Variants in USP37 observed in about 807,000 individuals in gnomAD.
USP37 encodes ubiquitin carboxyl-terminal hydrolase 37.
In USP37, 27 loss-of-function variants were observed where a neutral mutation model predicts 124.0. That is an observed-to-expected ratio of 0.22 (90% CI 0.16 to 0.30). The LOEUF is 0.30. Ranked by LOEUF, USP37 falls within the 10% of genes least tolerant of loss-of-function variation. The pLI is 1.00. For missense variants in USP37, 889 were observed against 1,140.4 expected, an observed-to-expected ratio of 0.78 and a Z score of 3.17; for synonymous variants, 365 against 388.0, an observed-to-expected ratio of 0.94 and a Z score of 0.70.
chr2:218,551,844 G>C (rs955146394), intron 5 of USP37, among the ~76,000 whole-genome samples: 21 of 151,828 alleles, frequency 1.4e-4, no homozygotes, highest in Non-Finnish European at 1.3e-4. Flanking sequence ...CCAGGCTGGA[G>C]TGCAGTGGCG....
chr2:218,519,691 G>C (rs1242181305), intron 10 of USP37, among the ~76,000 whole-genome samples: 3 of 151,586 alleles, frequency 2.0e-5, no homozygotes, highest in Non-Finnish European at 2.9e-5. Flanking sequence ...CTGGAGTGCA[G>C]TAGTGGCGGG....
chr2:218,535,323 GC>G (rs1691564324), intron 8 of USP37, among the ~76,000 whole-genome samples: 1 of 151,104 alleles, frequency 6.6e-6, no homozygotes, highest in Non-Finnish European at 1.5e-5. Flanking sequence ...CCGTGATCGC[GC>G]CACTGCACTC....
At chr2:218,555,003 T>TAA (rs1473976555) in intron 4 of USP37, among the ~76,000 whole-genome samples, 4 of 152,208 alleles carry the variant, frequency 2.6e-5, no homozygotes, top group Non-Finnish European at 5.9e-5. Context: ...TGAAAACTCT[T>TAA]AACTTACTTC....
intron 9 of USP37, among the ~76,000 whole-genome samples, chr2:218,534,160 G>C (rs1047808119): frequency 1.3e-5 from 2 of 152,140 alleles, no homozygotes; most frequent in Non-Finnish European, 2.9e-5. Context: ...AAATATTTTA[G>C]CCAAGTACTG....
chr2:218,561,319 A>G (rs1693298944), intron 2 of USP37, among the ~76,000 whole-genome samples: 1 of 152,156 alleles, frequency 6.6e-6, no homozygotes, highest in Non-Finnish European at 1.5e-5. Context: ...CTTGATAATT[A>G]TTGGTATTAG....
intron 1 of USP37, among the ~76,000 whole-genome samples, chr2:218,567,846 G>A (rs496674): frequency 0.66 from 100,762 of 152,070 alleles, 33,830 homozygotes; most frequent in East Asian, 0.9. Context: ...CCAAGGCCTG[G>A]TGGATGTGCC....
At chr2:218,563,435 T>C (rs545604777) in intron 1 of USP37, among the ~76,000 whole-genome samples, 159 of 152,226 alleles carry the variant, frequency 1.0e-3, no homozygotes, top group Non-Finnish European at 1.9e-3. Flanking sequence ...AATATGTCCT[T>C]TGTTCACTTT....
chr2:218,514,548 G>A (rs973123719), intron 10 of USP37: 3 of 152,114 alleles, frequency 2.0e-5, no homozygotes, highest in African/African-American at 7.2e-5. Flanking sequence ...AGTCTATAAT[G>A]ACAATGTCTT....
At chr2:218,476,784 T>A in intron 19 of USP37, 56 bp downstream of exon 19, 1 of 1,522,564 alleles carries the variant, frequency 6.6e-7, no homozygotes, top group Non-Finnish European at 8.8e-7. Context: ...GACATTTGTT[T>A]GGACAGTAAG....
intron 17 of USP37, 86 bp from the exon 18 acceptor site, chr2:218,479,801 A>G: frequency 1.2e-6 from 1 of 820,614 alleles, no homozygotes; most frequent in Non-Finnish European, 1.6e-6. Flanking sequence ...TATTCTTACT[A>G]TAATTCCTTT....
At chr2:218,547,376 T>A (rs1386825829) in intron 6 of USP37, among the ~76,000 whole-genome samples, 1 of 150,666 alleles carries the variant, frequency 6.6e-6, no homozygotes, top group Non-Finnish European at 1.5e-5. Context: ...AGAGATTCTA[T>A]TCTAGTTGAT....
At position 218,474,505 on chromosome 2, in the gene USP37, T is replaced by C. The variant is rs766282079; in HGVS notation, c.2299+125A>G. 1.7e-5 allele frequency: 23 copies of C among 1,376,578 alleles called. No individual in the cohort carries two copies. In the Admixed American group the frequency reaches 4.0e-4, roughly 24 times the overall value. 85.3% of individuals were successfully genotyped at this position (1,376,578 alleles called of 1,614,324 possible). A position where few individuals can be genotyped will look rare whatever the true frequency, so the allele number is the denominator to read the frequency against. On this transcript the variant is annotated intron_variant, in intron 20 of 25. Coordinates refer to ENST00000258399, the MANE Select transcript of USP37 (RefSeq NM_020935.3). ...GCCTCCCGAGTAGCTGGGATTAGGG[T>C]CACACACCACCATGCTCAGCTAATT...
chr2:218,480,413 A>AAT (rs56383366), intron 17 of USP37, among the ~76,000 whole-genome samples: 148 of 151,446 alleles, frequency 9.8e-4, no homozygotes, highest in South Asian at 2.9e-3. Flanking sequence ...AAAAAAAAAA[A>AAT]AAAAAAAAAA....
intron 21 of USP37, among the ~76,000 whole-genome samples, chr2:218,464,314 T>C (rs1690192474): frequency 6.6e-6 from 1 of 151,928 alleles, no homozygotes; most frequent in South Asian, 2.1e-4. Context: ...CTTGGCCCAC[T>C]GCAACCTCCA....
intron 9 of USP37, 46 bp from the exon 10 acceptor site, chr2:218,530,086 C>A (rs1055851258): frequency 7.1e-7 from 1 of 1,408,152 alleles, no homozygotes; most frequent in Non-Finnish European, 9.8e-7. Context: ...CTAAATCAAC[C>A]ATTCAAGTTC....
Position 218,488,363 on chromosome 2 carries a change from G to A in USP37, c.1531C>T (p.Arg511Cys), listed in dbSNP as rs764987549. 23 of 1,612,558 alleles carry A rather than the reference G, an allele frequency of 1.4e-5. No homozygotes were observed. The highest frequency in any genetic ancestry group is 2.7e-5 in the African/African-American group (2 of 74,890). ...QFNDLSIDLP[R>C]RKKPLPPRSI... ...CGAGGAGGGAGTGGTTTTTTCCTAC[G>A]AGGAAGGTCAATAGAGAGGTCATTA... Residue 511 changes from arginine (R) to cysteine (C), a missense_variant, in exon 15 of 26, where the codon CGT becomes TGT. Around this residue, in one of 3 missense-constraint regions of USP37, gnomAD observed 504 missense variants for 714.3 expected, o/e 0.71. Coordinates refer to ENST00000258399, the MANE Select transcript of USP37 (RefSeq NM_020935.3).
chr2:218,459,812 T>A lies in USP37; in HGVS notation c.2621A>T (p.Glu874Val), dbSNP rs1689908074. ...FDMEYTEAEA[E>V]ELKRNAETGN... ...TACCTCAGCATTTCTTTTCAGTTCC[T>A]CAGCTTCAGCTTCTGTGTACTCCAT... Residue 874 changes from glutamate (E) to valine (V), a missense_variant, in exon 23 of 26, where the codon GAG (glutamate) becomes GTG (valine). Physicochemically the swap from Glu to Val is moderately radical, Grantham distance 121. Transcript: ENST00000258399. 4.3e-6 allele frequency: 7 copies of A among 1,613,782 alleles called. No individual in the cohort carries two copies. The highest frequency in any genetic ancestry group is 5.9e-6 in the Non-Finnish European group (7 of 1,179,848).
rs1290569932 is a variant in USP37, at chr2:218,451,214, TG to T, written c.*3715del. 2.0e-5 allele frequency: 3 copies of T among 152,106 alleles called. No homozygotes were observed. The highest frequency in any genetic ancestry group is 2.0e-4 in the Admixed American group (3 of 15,256). 9.4% of individuals were successfully genotyped at this position (152,106 alleles called of 1,614,324 possible). A position where few individuals can be genotyped will look rare whatever the true frequency, so the allele number is the denominator to read the frequency against. ...GTGCATTACTCAGTATAAAGCAAAA[TG>T]GGGAGGAAAAAGACATCCATCCATT... On this transcript the variant is annotated 3_prime_UTR_variant, in exon 26 of 26. Transcript: ENST00000258399.
At chr2:218,483,904 A>G (rs1691395805) in intron 16 of USP37, among the ~76,000 whole-genome samples, 1 of 152,224 alleles carries the variant, frequency 6.6e-6, no homozygotes, top group Non-Finnish European at 1.5e-5. Context: ...TACTGCTATG[A>G]TTTATACACT....
Sources: allele counts gnomAD v4.1 joint callset (sites outside exome capture counted in the v4.1 genomes callset), GRCh38; gene constraint gnomAD v4.1.1; regional missense constraint gnomAD v4.1.1; transcripts MANE v1.5; gene names NCBI Gene and HGNC (gene_info 2026-07-23, HGNC 2026-07-21).